PCDHGB1: variants seen among roughly 807,000 people sequenced by gnomAD.
The protein encoded by PCDHGB1 is protocadherin gamma subfamily B, 1, also known as protocadherin gamma-B1.
A neutral mutation model predicts 56.6 loss-of-function variants in PCDHGB1; 34 were observed. The ratio of observed to expected loss-of-function variants is 0.60; its 90% confidence interval spans 0.46 to 0.80. The LOEUF (loss-of-function observed/expected upper bound fraction) is 0.80, where lower values mean the gene tolerates loss of function less well. Ranked by LOEUF, PCDHGB1 falls within the 30% of genes least tolerant of loss-of-function variation. PCDHGB1 has a pLI of 0.00. For synonymous variants in PCDHGB1, 561 were observed against 505.9 expected, an observed-to-expected ratio of 1.11 and a Z score of -1.46; for missense variants, 1,278 against 1,204.6, an observed-to-expected ratio of 1.06 and a Z score of -0.90.
intron 3 of PCDHGB1, among the ~76,000 whole-genome samples, chr5:141,509,022 C>G (rs2099873807): frequency 6.6e-6 from 1 of 152,206 alleles, no homozygotes; most frequent in East Asian, 1.9e-4. Context: ...CAGCTGCTCC[C>G]TCCCACTCAA....
chr5:141,421,425 C>T, intron 1 of PCDHGB1: 1 of 1,614,100 alleles, frequency 6.2e-7, no homozygotes, highest in Non-Finnish European at 8.5e-7. Context: ...GCGGAGTCCG[C>T]ATCGTCTCCA....
chr5:141,441,811 C>A (rs1007948586), intron 1 of PCDHGB1: 2 of 370,710 alleles, frequency 5.4e-6, no homozygotes, highest in African/African-American at 2.2e-5. Flanking sequence ...GTGCTGTACC[C>A]CAGCTCTGGA....
At chr5:141,417,982 G>A (rs756382601) in intron 1 of PCDHGB1, 4 of 1,613,886 alleles carry the variant, frequency 2.5e-6, no homozygotes, top group Admixed American at 3.3e-5. Flanking sequence ...CGGAGGAGCT[G>A]GCCAAGGGCT....
At chr5:141,366,647 C>A in intron 1 of PCDHGB1, 1 of 1,614,222 alleles carries the variant, frequency 6.2e-7, no homozygotes, top group Non-Finnish European at 8.5e-7. Context: ...CTTTCCCCAG[C>A]CCAACTACGC....
At chr5:141,419,630 G>T in intron 1 of PCDHGB1, 2 of 1,612,430 alleles carry the variant, frequency 1.2e-6, no homozygotes, top group African/African-American at 1.3e-5. Flanking sequence ...GGTGACCAAG[G>T]TGGTGGCCGT....
Position 141,432,454 on chromosome 5 carries a change from C to T in PCDHGB1, c.2410-62353C>T, listed in dbSNP as rs751733947. On this transcript the variant is annotated intron_variant, in intron 1 of 3. Coordinates refer to ENST00000523390, the MANE Select transcript of PCDHGB1 (RefSeq NM_018922.3). The surrounding 1 kb of genome is among the most constrained non-coding windows in gnomAD (Gnocchi z 6.0). ...ACAATGCGCCCGAGATCCTGTACCC[C>T]GCCCTCCCCACGGACGGTTCCACTG... 134 of 1,614,108 alleles carry T rather than the reference C, an allele frequency of 8.3e-5. No homozygotes were observed. The highest frequency in any genetic ancestry group is 1.1e-4 in the Non-Finnish European group (133 of 1,180,058).
Position 141,512,738 on chromosome 5 carries a change from C to A in PCDHGB1, c.*1565C>A, listed in dbSNP as rs1350606944. 2 of 152,840 alleles carry A rather than the reference C, an allele frequency of 1.3e-5. No individual in the cohort carries two copies. The highest frequency in any genetic ancestry group is 2.1e-4 in the South Asian group (1 of 4,838). The allele number at this position is 152,840 out of a possible 1,614,324, so 9.5% of individuals were successfully genotyped here. A position where few individuals can be genotyped will look rare whatever the true frequency, so the allele number is the denominator to read the frequency against. On this transcript the variant is annotated 3_prime_UTR_variant, in exon 4 of 4. Transcript: ENST00000523390. ...TGGCGGGTGGGCAGCGGGCGGCGGG[C>A]TCCGCGCAGCCGTCTGTCCTTGATC...
At chr5:141,384,371 T>G (rs1780015620) in intron 1 of PCDHGB1, 2 of 1,613,920 alleles carry the variant, frequency 1.2e-6, no homozygotes, top group Non-Finnish European at 1.7e-6. Context: ...ACTTATTCCT[T>G]GGCCGAAGAC....
chr5:141,404,407 T>C, intron 1 of PCDHGB1: 1 of 1,613,944 alleles, frequency 6.2e-7, no homozygotes, highest in East Asian at 2.2e-5. Flanking sequence ...ATGAGAATTC[T>C]AGAGTTATTT....
intron 1 of PCDHGB1, chr5:141,413,323 G>A (rs1221252167): frequency 2.5e-6 from 4 of 1,613,840 alleles, no homozygotes; most frequent in Non-Finnish European, 3.4e-6. Flanking sequence ...CTCTTTCGTG[G>A]GCAACATCTC....
chr5:141,410,774 C>G, intron 1 of PCDHGB1: 4 of 955,126 alleles, frequency 4.2e-6, no homozygotes, highest in Non-Finnish European at 5.8e-6. Context: ...ATAGTTTTCA[C>G]TATGTATTTG....
intron 1 of PCDHGB1, chr5:141,379,090 T>C (rs1029371266): frequency 6.6e-6 from 1 of 152,210 alleles, no homozygotes; most frequent in Non-Finnish European, 1.5e-5. Context: ...GTTATGAATG[T>C]GTAAGAAAAA....
Position 141,485,790 on chromosome 5 carries a change from C to T in PCDHGB1, c.2410-9017C>T. On this transcript the variant is annotated intron_variant, in intron 1 of 3. Transcript: ENST00000523390. This position sits in a 1 kb window ranked among gnomAD's most constrained non-coding sequence, Gnocchi z 5.7. The stretch of plus-strand genomic sequence containing the variant: ...AAGCCTTTGGATCGAGAGAAGCAAT[C>T]GGACTACCGCCTGGTGCTGACTGCT... 6.2e-7 allele frequency: 1 copy of T among 1,614,204 alleles called. No homozygotes were observed. Among genetic ancestry groups the T allele is most frequent in the Non-Finnish European group, 8.5e-7 (1 of 1,180,032 alleles).
chr5:141,426,431 A>G (rs916399837), intron 1 of PCDHGB1: 1 of 297,328 alleles, frequency 3.4e-6, no homozygotes, highest in Non-Finnish European at 6.7e-6. Context: ...GTGGTGGGGA[A>G]CCTTGCGGAG....
In PCDHGB1 at chr5:141,394,244, C is replaced by T. The variant is rs371631729; in HGVS notation, c.2409+41575C>T. On this transcript the variant is annotated intron_variant, in intron 1 of 3. Coordinates refer to ENST00000523390, the MANE Select transcript of PCDHGB1 (RefSeq NM_018922.3). ...CCTCCATCTTTTCCTTGACTGCACA[C>T]GACCCCGACAGCCAGGAGAATGCCC... The T allele has an allele frequency of 1.5e-5, 25 of 1,613,938 alleles. No homozygotes were observed. In the African/African-American group the frequency reaches 2.3e-4, roughly 15 times the overall value.
At chr5:141,446,020 T>C (rs1226676321) in intron 1 of PCDHGB1, among the ~76,000 whole-genome samples, 1 of 152,180 alleles carries the variant, frequency 6.6e-6, no homozygotes, top group African/African-American at 2.4e-5. Context: ...ACTATGGCAA[T>C]ATTCCTGGTA....
chr5:141,361,618 G>T lies in PCDHGB1; in HGVS notation c.2409+8949G>T, dbSNP rs372928108. On this transcript the variant is annotated intron_variant, in intron 1 of 3. Transcript: ENST00000523390. ...AGTTTCCTACTCCATCGTAGCGAGC[G>T]ACCTGAAGCCGCGGGAGATTTTATC... 63 of 1,613,956 alleles carry T rather than the reference G, an allele frequency of 3.9e-5. No individual in the cohort carries two copies. The African/African-American group carries it at 4.1e-4, about 11-fold the overall frequency.
intron 1 of PCDHGB1, among the ~76,000 whole-genome samples, chr5:141,462,269 T>C (rs2099036247): frequency 6.6e-6 from 1 of 152,230 alleles, no homozygotes; most frequent in Admixed American, 6.5e-5. Context: ...CTAAAGTGTA[T>C]TGTTTAGTCA....
In PCDHGB1 at chr5:141,418,992, A is replaced by G. The variant is rs554523363; in HGVS notation, c.2409+66323A>G. 28 of 1,613,802 alleles carry G rather than the reference A, an allele frequency of 1.7e-5. No individual in the cohort carries two copies. The African/African-American group carries it at 2.7e-4, about 15-fold the overall frequency. On this transcript the variant is annotated intron_variant, in intron 1 of 3. Coordinates refer to ENST00000523390, the MANE Select transcript of PCDHGB1 (RefSeq NM_018922.3). Reference sequence around the variant, plus strand: ...AAAACACGGGACCAAGACTCAGGGGAAAATGGGGAAGTCAGGTGTAGCTTA... The same window carrying G: ...AAAACACGGGACCAAGACTCAGGGGGAAATGGGGAAGTCAGGTGTAGCTTA...
Sources: allele counts gnomAD v4.1 joint callset (sites outside exome capture counted in the v4.1 genomes callset), GRCh38; gene constraint gnomAD v4.1.1; non-coding constraint Gnocchi (gnomAD v3.1); transcripts MANE v1.5; gene names NCBI Gene and HGNC (gene_info 2026-07-23, HGNC 2026-07-21).